LRRC4C: variants seen among roughly 807,000 people sequenced by gnomAD.
The protein encoded by LRRC4C is leucine rich repeat containing 4C, also known as leucine-rich repeat-containing protein 4C.
Under a neutral mutation model 33.6 loss-of-function variants are expected in LRRC4C, and 5 were observed. That is an observed-to-expected ratio of 0.15 (90% CI 0.08 to 0.31). The LOEUF is 0.31. Ranked by LOEUF, LRRC4C falls within the 10% of genes least tolerant of loss-of-function variation. The pLI, the probability that LRRC4C is intolerant of heterozygous loss-of-function variation, is 1.00. For synonymous variants in LRRC4C, 329 were observed against 302.0 expected (o/e 1.09, Z -0.93); for missense variants, 560 against 796.7 (o/e 0.70, Z 3.58).
intron 1 of LRRC4C, among the ~76,000 whole-genome samples, chr11:40,963,346 G>T (rs1293710506): frequency 6.6e-6 from 1 of 151,674 alleles, no homozygotes; most frequent in Non-Finnish European, 1.5e-5. Flanking sequence ...CTGAGCTTTG[G>T]CTACACATAT....
At chr11:41,063,258 C>T (rs1338747600) in intron 1 of LRRC4C, among the ~76,000 whole-genome samples, 1 of 152,098 alleles carries the variant, frequency 6.6e-6, no homozygotes, top group Non-Finnish European at 1.5e-5. Context: ...ACTAGTATTA[C>T]CAGACATTGT....
intron 5 of LRRC4C, among the ~76,000 whole-genome samples, chr11:40,184,073 G>A (rs959411001): frequency 5.3e-5 from 8 of 151,906 alleles, no homozygotes; most frequent in Admixed American, 3.9e-4. Context: ...ATGTTAAGCT[G>A]GTTGCTTAGC....
chr11:40,514,461 TATC>T (rs1015103912), intron 3 of LRRC4C, among the ~76,000 whole-genome samples: 46 of 152,242 alleles, frequency 3.0e-4, no homozygotes, highest in African/African-American at 1.1e-3. Flanking sequence ...CATATAAACA[TATC>T]ATTTTCTGGT....
chr11:41,149,089 A>AT (rs1475101167), intron 1 of LRRC4C, among the ~76,000 whole-genome samples: 2 of 152,064 alleles, frequency 1.3e-5, no homozygotes, highest in South Asian at 2.1e-4. Flanking sequence ...AGCAGAATTT[A>AT]TTTTTTCAGA....
At chr11:40,773,771 C>A (rs1949861930) in intron 2 of LRRC4C, among the ~76,000 whole-genome samples, 1 of 152,098 alleles carries the variant, frequency 6.6e-6, no homozygotes, top group African/African-American at 2.4e-5. Flanking sequence ...ACTTGCCCAA[C>A]TATATGTGGG....
In LRRC4C at chr11:40,382,684, ATTTT is replaced by A. The variant is rs35200000; in HGVS notation, c.-269-62967_-269-62964del. Among the ~76,000 whole-genome samples the A allele has an allele frequency of 9.4e-3, 614 of 65,596 alleles. 8 individuals are homozygous for A. Among genetic ancestry groups the A allele is most frequent in the African/African-American group, 0.037 (580 of 15,704 alleles). 43.0% of individuals were successfully genotyped at this position (65,596 alleles called of 152,430 possible). On this transcript the variant is annotated intron_variant, in intron 3 of 6. Transcript: ENST00000528697. The stretch of plus-strand genomic sequence containing the variant: ...TTTTGCACAACTAAAACTTGTACTC[ATTTT>A]TTTTTTTTTTTTTTTTTTTTTTTGA...
intron 5 of LRRC4C, among the ~76,000 whole-genome samples, chr11:40,148,882 T>G (rs548518497): frequency 5.3e-5 from 8 of 152,328 alleles, no homozygotes; most frequent in Admixed American, 3.9e-4. Context: ...GGGGTCCAGT[T>G]TGAATCTTTT....
chr11:41,405,103 G>A (rs1021017231), intron 1 of LRRC4C, among the ~76,000 whole-genome samples: 18 of 152,136 alleles, frequency 1.2e-4, no homozygotes, highest in Non-Finnish European at 2.2e-4. Flanking sequence ...TATGATTAGA[G>A]CTTTTTGGAA....
chr11:40,255,460 C>T (rs1235508496), intron 4 of LRRC4C, among the ~76,000 whole-genome samples: 1 of 152,110 alleles, frequency 6.6e-6, no homozygotes, highest in African/African-American at 2.4e-5. Context: ...TATATCTGTC[C>T]CCCTACTCAG....
At chr11:40,547,280 C>CA (rs1956961298) in intron 3 of LRRC4C, among the ~76,000 whole-genome samples, 1 of 151,940 alleles carries the variant, frequency 6.6e-6, no homozygotes, top group Admixed American at 6.6e-5. Flanking sequence ...AATTCCAAAA[C>CA]TTTTTTTTCA....
intron 2 of LRRC4C, among the ~76,000 whole-genome samples, chr11:40,784,775 G>A (rs929063732): frequency 4.6e-5 from 7 of 152,128 alleles, no homozygotes; most frequent in East Asian, 3.9e-4. Context: ...CAAAAATTGC[G>A]CTGATCTTTA....
intron 5 of LRRC4C, among the ~76,000 whole-genome samples, chr11:40,234,231 A>G (rs1429817422): frequency 6.6e-6 from 1 of 152,198 alleles, no homozygotes; most frequent in African/African-American, 2.4e-5. Context: ...GCAAGGCACA[A>G]TGCTAATCAT....
At chr11:41,031,432 G>A (rs1017297748) in intron 1 of LRRC4C, among the ~76,000 whole-genome samples, 2 of 151,922 alleles carry the variant, frequency 1.3e-5, no homozygotes, top group African/African-American at 4.8e-5. Context: ...GACTACTTAT[G>A]TATGTTACAT....
intron 2 of LRRC4C, among the ~76,000 whole-genome samples, chr11:40,726,727 A>G (rs965981032): frequency 2.6e-5 from 4 of 152,180 alleles, no homozygotes; most frequent in African/African-American, 4.8e-5. Context: ...CCATGCTCAT[A>G]GTCAACATAG....
intron 1 of LRRC4C, among the ~76,000 whole-genome samples, chr11:41,197,983 A>C (rs1292716443): frequency 4.4e-4 from 67 of 152,006 alleles, no homozygotes; most frequent in Admixed American, 4.4e-3. Flanking sequence ...CATCACCATC[A>C]TTGTAAACTC....
intron 2 of LRRC4C, among the ~76,000 whole-genome samples, chr11:40,708,184 G>T (rs1008713073): frequency 1.3e-5 from 2 of 152,016 alleles, no homozygotes; most frequent in African/African-American, 4.8e-5. Context: ...CTGATTTTTT[G>T]AAGGGTTTTT....
intron 2 of LRRC4C, among the ~76,000 whole-genome samples, chr11:40,900,176 G>T (rs575048020): frequency 6.6e-6 from 1 of 152,076 alleles, no homozygotes; most frequent in South Asian, 2.1e-4. Context: ...TTGACTCATG[G>T]ATTCTCTACA....
At chr11:40,283,494 A>G (rs557536604) in intron 4 of LRRC4C, among the ~76,000 whole-genome samples, 1 of 152,210 alleles carries the variant, frequency 6.6e-6, no homozygotes, top group South Asian at 2.1e-4. Context: ...GAAAAATAAT[A>G]AAACTTAATC....
At chr11:40,902,600 A>G (rs1397690983) in intron 2 of LRRC4C, among the ~76,000 whole-genome samples, 1 of 152,152 alleles carries the variant, frequency 6.6e-6, no homozygotes, top group South Asian at 2.1e-4. Flanking sequence ...AATATTTAAC[A>G]AAGTTGTGAA....
Sources: allele counts gnomAD v4.1 joint callset (sites outside exome capture counted in the v4.1 genomes callset), GRCh38; gene constraint gnomAD v4.1.1; transcripts MANE v1.5; gene names NCBI Gene and HGNC (gene_info 2026-07-23, HGNC 2026-07-21).